HM13: variants seen among roughly 807,000 people sequenced by gnomAD.
HM13 encodes signal peptide peptidase.
Under a neutral mutation model 50.0 loss-of-function variants are expected in HM13, and 18 were observed. The ratio of observed to expected loss-of-function variants is 0.36; its 90% CI spans 0.25 to 0.53. The LOEUF is 0.53. Among genes scored for constraint, HM13 ranks in the 20% least tolerant of loss-of-function variants. The probability of loss-of-function intolerance (pLI) is 0.90; values close to 1 mark genes in which losing one functional copy is unlikely to be tolerated. For synonymous variants in HM13, 197 were observed against 232.6 expected, an observed-to-expected ratio of 0.85 and a Z score of 1.39; for missense variants, 393 against 552.4, an observed-to-expected ratio of 0.71 and a Z score of 2.89.
chr20:31,549,915 C>T, intron 6 of HM13, 149 bp from the exon 7 acceptor site: 1 of 692,186 alleles, frequency 1.4e-6, no homozygotes, highest in South Asian at 1.6e-5. Flanking sequence ...TATCAGTGGC[C>T]ACCTCACCTC....
intron 3 of HM13, 99 bp downstream of exon 3, chr20:31,538,360 G>A (rs775802773): frequency 6.2e-7 from 1 of 1,602,758 alleles, no homozygotes; most frequent in Admixed American, 1.7e-5. Context: ...TCAGAGCCAG[G>A]TTTGAATCCT....
rs1180267680 is a variant in HM13, at chr20:31,557,703, CTTTTTT to C, written c.809-1889_809-1884del. On this transcript the variant is annotated intron_variant, in intron 8 of 12. Transcript: ENST00000398174. The stretch of plus-strand genomic sequence containing the variant: ...TGTTGACAGTTGACAGGCAGTGCTT[CTTTTTT>C]TTTTTTTTTTTTTTTTTTGAGATGG... 2.1e-3 allele frequency among the ~76,000 whole-genome samples: 166 copies of C among 80,906 alleles called. 1 individual carries two copies. The highest frequency in any genetic ancestry group is 8.7e-3 in the African/African-American group (153 of 17,664). The allele number at this position is 80,906 out of a possible 152,430, so 53.1% of individuals were successfully genotyped here. A position where few individuals can be genotyped will look rare whatever the true frequency, so the allele number is the denominator to read the frequency against.
intron 2 of HM13, among the ~76,000 whole-genome samples, chr20:31,531,637 AG>A (rs1298416397): frequency 6.6e-6 from 1 of 151,992 alleles, no homozygotes. Context: ...TCTGTCACCC[AG>A]GCTGGAGTGC....
intron 7 of HM13, chr20:31,550,356 A>C: frequency 1.9e-6 from 1 of 525,678 alleles, no homozygotes; most frequent in African/African-American, 1.9e-5. Context: ...ATGAGCCAAA[A>C]TGGGAGCGAG....
At chr20:31,540,024 C>G (rs1983346501) in intron 3 of HM13, 1 of 152,218 alleles carries the variant, frequency 6.6e-6, no homozygotes, top group Admixed American at 6.5e-5. Context: ...GTCTAGTGAG[C>G]CCCAGGCTGT....
chr20:31,550,121 T>C lies in HM13; in HGVS notation c.724T>C (p.Leu242=). The C allele has an allele frequency of 6.2e-7, 1 of 1,613,486 alleles. No homozygotes were observed. The highest frequency in any genetic ancestry group is 1.3e-5 in the African/African-American group (1 of 75,006). ...CAAGTCCTTCGAGGCACCAATAAAA[T>C]GTAAGTGACCACCCTGCCACAGGGA... ...VAKSFEAPIK[L]VFPQDLLEKG... Residue 242 remains leucine (L), a splice_region_variant and synonymous_variant, in exon 7 of 13, where the codon TTG becomes CTG. Transcript: ENST00000398174.
intron 1 of HM13, among the ~76,000 whole-genome samples, chr20:31,516,070 T>G (rs1981755890): frequency 6.6e-6 from 1 of 152,240 alleles, no homozygotes; most frequent in Admixed American, 6.5e-5. Flanking sequence ...TAGGCGGGGC[T>G]TAGGCTGAGA....
intron 1 of HM13, among the ~76,000 whole-genome samples, chr20:31,515,511 C>T (rs1240915055): frequency 3.3e-5 from 5 of 152,196 alleles, no homozygotes; most frequent in Admixed American, 3.3e-4. Flanking sequence ...TAACCTGTAA[C>T]CCTTTTCCCA....
chr20:31,543,791 G>A (rs1475578944), intron 3 of HM13, among the ~76,000 whole-genome samples: 4 of 151,852 alleles, frequency 2.6e-5, no homozygotes, highest in African/African-American at 9.7e-5. Flanking sequence ...AAAATTAGTC[G>A]GGCATGGTGG....
chr20:31,531,063 G>C (rs962082034), intron 2 of HM13, among the ~76,000 whole-genome samples: 4 of 151,544 alleles, frequency 2.6e-5, no homozygotes, highest in African/African-American at 9.7e-5. Flanking sequence ...TTTCTTTTTT[G>C]AGATGGAGTC....
intron 1 of HM13, among the ~76,000 whole-genome samples, chr20:31,526,903 G>T (rs1442372505): frequency 1.3e-5 from 2 of 152,234 alleles, no homozygotes; most frequent in African/African-American, 4.8e-5. Context: ...TGAAACTGCT[G>T]TGGCATCACT....
At chr20:31,525,398 CA>C (rs1982426693) in intron 1 of HM13, among the ~76,000 whole-genome samples, 1 of 152,206 alleles carries the variant, frequency 6.6e-6, no homozygotes, top group African/African-American at 2.4e-5. Context: ...TTTTGTCAGC[CA>C]AAATATTTGT....
chr20:31,564,851 CA>C (rs11476071), intron 10 of HM13, among the ~76,000 whole-genome samples: 42,274 of 116,588 alleles, frequency 0.36, 10,096 homozygotes, highest in African/African-American at 0.71. Flanking sequence ...CTCAAAATCA[CA>C]AAAAAAAAAA....
chr20:31,567,921 AAAT>A (rs1337242238), intron 11 of HM13, 154 bp from the exon 12 acceptor site: 3 of 659,240 alleles, frequency 4.6e-6, no homozygotes, highest in Non-Finnish European at 7.6e-6. Flanking sequence ...TTCATTCTCC[AAAT>A]AATATCAGCT....
rs574684573 is a variant in HM13 at position 31,553,283 on chromosome 20, G to A, written c.725-1463G>A. Among the ~76,000 whole-genome samples, 14 of 129,040 alleles carry A rather than the reference G, an allele frequency of 1.1e-4. 1 individual carries two copies. The South Asian group carries it at 2.7e-3, about 25-fold the overall frequency. 84.7% of individuals were successfully genotyped at this position (129,040 alleles called of 152,430 possible). On this transcript the variant is annotated intron_variant, in intron 7 of 12. Transcript: ENST00000398174. ...TGGACTCCAGCCTGGGCAACAGAGC[G>A]AGACTCCATCTCAAAAAAAAAAAAA...
Position 31,523,093 on chromosome 20 carries a change from G to A in HM13, c.184-4391G>A, listed in dbSNP as rs1022820036. 2.8e-4 allele frequency among the ~76,000 whole-genome samples: 41 copies of A among 149,066 alleles called. 1 individual carries two copies. The highest frequency in any genetic ancestry group is 9.7e-4 in the East Asian group (5 of 5,150). On this transcript the variant is annotated intron_variant, in intron 1 of 12. Transcript: ENST00000398174. Reference sequence around the variant, plus strand: ...TGAGACAGAGTCTCGCTCTGTTGCCGAGGCTGGAGTTCAGTGGCACGATCC... The same window carrying A: ...TGAGACAGAGTCTCGCTCTGTTGCCAAGGCTGGAGTTCAGTGGCACGATCC...
intron 7 of HM13, among the ~76,000 whole-genome samples, chr20:31,551,857 T>C (rs890100492): frequency 6.6e-6 from 1 of 152,074 alleles, no homozygotes; most frequent in African/African-American, 2.4e-5. Context: ...CACAAACAGC[T>C]CCTGAATTCT....
chr20:31,564,189 G>A (rs1188767677), intron 10 of HM13: 2 of 152,118 alleles, frequency 1.3e-5, no homozygotes, highest in Non-Finnish European at 2.9e-5. Context: ...GTATTTACCA[G>A]GCCCTCTTCA....
At chr20:31,525,770 GA>G (rs1045050182) in intron 1 of HM13, among the ~76,000 whole-genome samples, 1 of 145,000 alleles carries the variant, frequency 6.9e-6, no homozygotes, top group Non-Finnish European at 1.6e-5. Context: ...AAAAAAAAAA[GA>G]AAAAAAGAAA....
Sources: gnomAD v4.1 joint callset for allele counts (sites outside exome capture counted in the v4.1 genomes callset) on GRCh38, gnomAD v4.1.1 for gene constraint, MANE v1.5 for transcripts, NCBI Gene and HGNC (gene_info 2026-07-23, HGNC 2026-07-21) for gene names.